JPH3: variants seen among roughly 807,000 people sequenced by gnomAD.
The protein encoded by JPH3 is junctophilin 3, also known as junctophilin-3.
In JPH3, 11 loss-of-function variants were observed where a neutral mutation model predicts 59.6. The ratio of observed to expected loss-of-function variants is 0.18; its 90% CI spans 0.12 to 0.31. JPH3 has a LOEUF of 0.31. Among genes scored for constraint, JPH3 ranks in the 10% least tolerant of loss-of-function variants. JPH3 has a pLI of 1.00. For synonymous variants in JPH3, 673 were observed against 483.6 expected (o/e 1.39, Z -5.14); for missense variants, 1,202 against 1,105.7 (o/e 1.09, Z -1.24).
At chr16:87,673,146 T>C (rs375162794) in intron 2 of JPH3, among the ~76,000 whole-genome samples, 24 of 143,122 alleles carry the variant, frequency 1.7e-4, no homozygotes, top group Non-Finnish European at 3.5e-4. Flanking sequence ...ACTCTGTCAT[T>C]AAAAAAAAAA....
chr16:87,648,088 C>T (rs1004451274), intron 2 of JPH3, among the ~76,000 whole-genome samples: 7 of 152,140 alleles, frequency 4.6e-5, no homozygotes, highest in African/African-American at 1.7e-4. Flanking sequence ...CTGTGACAGG[C>T]ATGGGAGGCA....
At chr16:87,622,745 C>CA (rs910885297) in intron 1 of JPH3, among the ~76,000 whole-genome samples, 2 of 152,018 alleles carry the variant, frequency 1.3e-5, no homozygotes, top group Non-Finnish European at 2.9e-5. Flanking sequence ...CAGACCCCCC[C>CA]CCGCCCCACC....
At chr16:87,631,014 G>A (rs1034098592) in intron 1 of JPH3, among the ~76,000 whole-genome samples, 3 of 152,086 alleles carry the variant, frequency 2.0e-5, no homozygotes, top group Admixed American at 1.3e-4. Context: ...TAATTGTCTC[G>A]CTTTTTTTCA....
chr16:87,639,642 GCCTGTCCTCCCGCCTGTCCTCCCT>G (rs1396848688), intron 1 of JPH3, among the ~76,000 whole-genome samples: 15 of 95,560 alleles, frequency 1.6e-4, no homozygotes, highest in South Asian at 8.5e-4. Context: ...CTGGCCTCCC[GCCTGTCCTCCCGCCTGTCCTCCCT>G]CCTGTCCTCC....
intron 1 of JPH3, among the ~76,000 whole-genome samples, chr16:87,639,387 A>G (rs1597253288): frequency 1.3e-5 from 2 of 152,260 alleles, no homozygotes; most frequent in East Asian, 1.9e-4. Flanking sequence ...CCCTGCATGA[A>G]GCTCCTGGTG....
intron 2 of JPH3, among the ~76,000 whole-genome samples, chr16:87,661,772 T>C (rs1739524264): frequency 6.6e-6 from 1 of 152,192 alleles, no homozygotes; most frequent in Non-Finnish European, 1.5e-5. Flanking sequence ...TCATGGGGCT[T>C]CGACTTAGAA....
At chr16:87,689,584 G>A (rs753582715) in intron 3 of JPH3, 62 bp from the exon 4 acceptor site, 18 of 1,547,154 alleles carry the variant, frequency 1.2e-5, no homozygotes, top group Non-Finnish European at 1.4e-5. Context: ...CCCGGGGACC[G>A]CGGCCTCGCT....
intron 4 of JPH3, chr16:87,695,341 G>C (rs925587779): frequency 1.5e-5 from 7 of 456,016 alleles, no homozygotes; most frequent in African/African-American, 1.2e-4. Flanking sequence ...TTAACAGGGA[G>C]GGGGAGGAGA....
intron 2 of JPH3, among the ~76,000 whole-genome samples, chr16:87,671,167 G>A (rs888892617): frequency 3.3e-5 from 5 of 152,156 alleles, no homozygotes; most frequent in African/African-American, 7.2e-5. Context: ...GGGTATGTGC[G>A]GGGTCTTTGG....
chr16:87,687,090 A>C (rs892899844), intron 3 of JPH3, among the ~76,000 whole-genome samples: 1 of 152,176 alleles, frequency 6.6e-6, no homozygotes, highest in African/African-American at 2.4e-5. Flanking sequence ...GATTTGATCC[A>C]AGCATTTCTT....
At chr16:87,620,041 G>C (rs1474033560) in intron 1 of JPH3, among the ~76,000 whole-genome samples, 2 of 152,152 alleles carry the variant, frequency 1.3e-5, no homozygotes, top group Non-Finnish European at 2.9e-5. Flanking sequence ...GCCAGAGCCA[G>C]TCCAGTTGTT....
At chr16:87,662,451 T>C (rs761940493) in intron 2 of JPH3, among the ~76,000 whole-genome samples, 1 of 151,762 alleles carries the variant, frequency 6.6e-6, no homozygotes, top group Non-Finnish European at 1.5e-5. Context: ...ACCGTCAGCA[T>C]AAGGGCCTGG....
At chr16:87,643,777 A>G (rs1486392865) in intron 1 of JPH3, among the ~76,000 whole-genome samples, 1 of 152,168 alleles carries the variant, frequency 6.6e-6, no homozygotes, top group East Asian at 1.9e-4. Context: ...AAAAACAGCC[A>G]CTGGTGATAG....
At chr16:87,661,668 C>G (rs985227682) in intron 2 of JPH3, among the ~76,000 whole-genome samples, 2 of 152,218 alleles carry the variant, frequency 1.3e-5, no homozygotes, top group East Asian at 1.9e-4. Flanking sequence ...CGAAGAGTCA[C>G]GGGACAGCCC....
rs2033507679 is a variant in JPH3, at chr16:87,689,635, T to C, written c.1286-11T>C. On this transcript the variant is annotated splice_polypyrimidine_tract_variant and intron_variant, in intron 3 of 4. Transcript: ENST00000284262. ...TAACGCCGTCTGGCGTCGTCTTGTG[T>C]CCCCATACAGGGCTGGAGTACCAGA... The C allele has an allele frequency of 6.2e-7, 1 of 1,610,536 alleles. No homozygotes were observed. Among genetic ancestry groups the C allele is most frequent in the East Asian group, 2.2e-5 (1 of 44,746 alleles).
intron 4 of JPH3, among the ~76,000 whole-genome samples, chr16:87,691,088 C>CT (rs1057178820): frequency 6.9e-6 from 1 of 144,550 alleles, no homozygotes; most frequent in East Asian, 1.9e-4. Context: ...CACCCAGCAC[C>CT]CCCCCCCCAA....
intron 4 of JPH3, 143 bp downstream of exon 4, chr16:87,690,669 G>T (rs2033545930): frequency 5.5e-6 from 5 of 908,274 alleles, no homozygotes; most frequent in East Asian, 6.1e-5. Context: ...ACAGCCGGGA[G>T]TGGTGGCCCT....
chr16:87,695,174 C>T (rs919518568), intron 4 of JPH3: 1 of 374,450 alleles, frequency 2.7e-6, no homozygotes, highest in Non-Finnish European at 5.3e-6. Flanking sequence ...AAGGGGGAGG[C>T]CCGTTGTTCG....
Position 87,657,745 on chromosome 16 carries a change from G to A in JPH3, c.1160+12710G>A, listed in dbSNP as rs73238290. 9.6e-3 allele frequency among the ~76,000 whole-genome samples: 1,455 copies of A among 152,264 alleles called. 34 individuals are homozygous for A. Among genetic ancestry groups the A allele is most frequent in the African/African-American group, 0.033 (1,385 of 41,524 alleles). The stretch of plus-strand genomic sequence containing the variant: ...ATGACCACAGGAAGACCATGAGCTG[G>A]TCCTTTAAGGATGCAACCTGGGAGT... On this transcript the variant is annotated intron_variant, in intron 2 of 4. Coordinates refer to ENST00000284262, the MANE Select transcript of JPH3 (RefSeq NM_020655.4).
Sources: gnomAD v4.1 joint callset for allele counts (sites outside exome capture counted in the v4.1 genomes callset) on GRCh38, gnomAD v4.1.1 for gene constraint, MANE v1.5 for transcripts, NCBI Gene and HGNC (gene_info 2026-07-23, HGNC 2026-07-21) for gene names.